The following ZFYVE16 variants were observed in gnomAD, a reference collection of about 807,000 sequenced individuals.
The protein encoded by ZFYVE16 is zinc finger FYVE domain-containing protein 16.
Under a neutral mutation model 138.1 loss-of-function variants are expected in ZFYVE16, and 89 were observed. That is an observed-to-expected ratio of 0.64 (90% confidence interval 0.54 to 0.77). The LOEUF (loss-of-function observed/expected upper bound fraction) is 0.77, where lower values mean the gene tolerates loss of function less well. ZFYVE16 is among the 30% of genes least tolerant of loss of function. ZFYVE16 has a pLI of 0.00. For synonymous variants in ZFYVE16, 596 were observed against 618.3 expected (o/e 0.96, Z 0.53); for missense variants, 1,793 against 1,786.7 (o/e 1.00, Z -0.06).
chr5:80,427,415 C>T (rs1253571146), intron 1 of ZFYVE16, 77 bp from the exon 2 acceptor site: 1 of 151,948 alleles, frequency 6.6e-6, no homozygotes, highest in African/African-American at 2.4e-5. Context: ...TCATTTGATG[C>T]TCACTTGTCC....
In ZFYVE16 at chr5:80,448,006, T is replaced by A. The variant is rs763725875; in HGVS notation, c.2725-20T>A. ...AGAATATGAACTGATTTGTTATTTT[T>A]TTTATTACATATTTTACAGACAGTA... On this transcript the variant is annotated intron_variant, in intron 7 of 18. Transcript: ENST00000505560. 5 of 1,537,520 alleles carry A rather than the reference T, an allele frequency of 3.3e-6. No homozygotes were observed. In the African/African-American group the frequency reaches 6.9e-5, roughly 21 times the overall value.
At chr5:80,427,417 C>G (rs1167829940) in intron 1 of ZFYVE16, 75 bp from the exon 2 acceptor site, 3 of 151,978 alleles carry the variant, frequency 2.0e-5, no homozygotes, top group African/African-American at 7.3e-5. Context: ...ATTTGATGCT[C>G]ACTTGTCCCA....
Position 80,477,423 on chromosome 5 carries a change from C to CT in ZFYVE16, c.*47dup. The CT allele has an allele frequency of 6.4e-7, 1 of 1,552,414 alleles. No homozygotes were observed. Among genetic ancestry groups the CT allele is most frequent in the South Asian group, 1.2e-5 (1 of 84,034 alleles). On this transcript the variant is annotated 3_prime_UTR_variant, in exon 19 of 19. Transcript: ENST00000505560. Reference sequence around the variant, plus strand: ...CATATTGCAACCTAATTTGTTAAAACTAACTCCAGCACTAAAGCTGAAATG... The same window carrying CT: ...CATATTGCAACCTAATTTGTTAAAACTTAACTCCAGCACTAAAGCTGAAATG...
chr5:80,440,864 T>G (rs758911881), intron 5 of ZFYVE16: 14 of 985,396 alleles, frequency 1.4e-5, no homozygotes, highest in Non-Finnish European at 1.6e-5. Context: ...GGGGAATGAA[T>G]ACCTGATAAT....
chr5:80,417,760 A>G (rs1004033775), intron 1 of ZFYVE16, among the ~76,000 whole-genome samples: 64 of 152,304 alleles, frequency 4.2e-4, no homozygotes, highest in African/African-American at 1.5e-3. Context: ...TTTGGCAGTT[A>G]TGAATAAACC....
chr5:80,420,264 G>A (rs1392088333), intron 1 of ZFYVE16, among the ~76,000 whole-genome samples: 1 of 151,858 alleles, frequency 6.6e-6, no homozygotes, highest in South Asian at 2.1e-4. Flanking sequence ...GTACCACCAC[G>A]CCCAGCTAAT....
Position 80,481,173 on chromosome 5 carries a change from G to A in ZFYVE16, c.*3796G>A, listed in dbSNP as rs148316501. ...CTTGCTCTACATCAATCCCGCAGCAGTAAAGAGGTATCACTCTTCTCTTCC... is the reference window on the plus strand; with the variant it reads ...CTTGCTCTACATCAATCCCGCAGCAATAAAGAGGTATCACTCTTCTCTTCC... On this transcript the variant is annotated 3_prime_UTR_variant, in exon 19 of 19. Transcript: ENST00000505560. Among the ~76,000 whole-genome samples, 1 of 152,250 alleles carries A rather than the reference G, an allele frequency of 6.6e-6. No individual in the cohort carries two copies. Among genetic ancestry groups the A allele is most frequent in the African/African-American group, 2.4e-5 (1 of 41,544 alleles).
At chr5:80,447,941 ATATGTTTGGC>A (rs1751562906) in intron 7 of ZFYVE16, 75 bp from the exon 8 acceptor site, 1 of 1,193,234 alleles carries the variant, frequency 8.4e-7, no homozygotes, top group Non-Finnish European at 1.1e-6. Flanking sequence ...TATTAAAAAG[ATATGTTTGGC>A]TATAGTGATC....
intron 11 of ZFYVE16, 47 bp from the exon 12 acceptor site, chr5:80,455,645 G>T (rs1752449916): frequency 7.1e-7 from 1 of 1,404,440 alleles, no homozygotes; most frequent in Non-Finnish European, 1.0e-6. Context: ...TCAATAATTT[G>T]GGGTTTTTTT....
At chr5:80,447,889 T>A (rs1751556274) in intron 7 of ZFYVE16, 137 bp from the exon 8 acceptor site, 2 of 714,172 alleles carry the variant, frequency 2.8e-6, no homozygotes, top group East Asian at 3.1e-5. Context: ...GAAATTTGAC[T>A]TTAAGAGAAT....
chr5:80,420,177 G>C (rs942915999), intron 1 of ZFYVE16, among the ~76,000 whole-genome samples: 11 of 151,630 alleles, frequency 7.3e-5, no homozygotes, highest in African/African-American at 9.7e-5. Context: ...CACAATCTCA[G>C]TTCACTGGAA....
intron 1 of ZFYVE16, among the ~76,000 whole-genome samples, chr5:80,416,582 G>C (rs1746294567): frequency 6.6e-6 from 1 of 151,030 alleles, no homozygotes; most frequent in Admixed American, 6.6e-5. Context: ...TAATGTGTTG[G>C]GTTATACTTC....
chr5:80,437,868 G>C lies in ZFYVE16; in HGVS notation c.1183G>C (p.Gly395Arg), dbSNP rs370877853. Residue 395 changes from glycine to arginine, a missense_variant, in exon 4 of 19, where the codon GGT (glycine) becomes CGT (arginine). Gly to Arg is a moderately radical substitution (Grantham distance 125). Around this residue, in one of 2 missense-constraint regions of ZFYVE16, gnomAD observed 1,295 missense variants for 1,204.3 expected, o/e 1.08. Transcript: ENST00000505560. ...CGSLIESKAR[G>R]DFLPQHEHKD... ...ATCATTAATTGAAAGTAAAGCACGG[G>C]GTGATTTTTTACCTCAGCATGAACA... is the stretch of plus-strand genomic sequence containing the variant. 1.9e-6 allele frequency: 3 copies of C among 1,613,740 alleles called. No homozygotes were observed. The African/African-American group carries it at 4.0e-5, about 22-fold the overall frequency.
At chr5:80,459,639 A>G (rs566561269) in intron 15 of ZFYVE16, 145 bp downstream of exon 15, 4 of 629,936 alleles carry the variant, frequency 6.3e-6, no homozygotes, top group South Asian at 2.4e-5. Flanking sequence ...CCAGCACAAG[A>G]AGTAGAAGAC....
At chr5:80,463,725 A>G (rs188535485) in intron 15 of ZFYVE16, among the ~76,000 whole-genome samples, 4 of 152,232 alleles carry the variant, frequency 2.6e-5, no homozygotes, top group South Asian at 4.2e-4. Flanking sequence ...TCCAGTTCCA[A>G]AGTATCTCTT....
In ZFYVE16 at chr5:80,438,654, T is replaced by C; in HGVS notation, c.1969T>C (p.Ser657Pro). 1.9e-6 allele frequency: 3 copies of C among 1,614,046 alleles called. No individual in the cohort carries two copies. Among genetic ancestry groups the C allele is most frequent in the Non-Finnish European group, 2.5e-6 (3 of 1,179,988 alleles). Reference sequence around the variant, plus strand: ...ACCTAAGCAATTGTTTAGCCTTCCATCAAGAACAAGGAGTTCAAAGGACCT... The same window carrying C: ...ACCTAAGCAATTGTTTAGCCTTCCACCAAGAACAAGGAGTTCAAAGGACCT... ...ARPKQLFSLP[S>P]RTRSSKDLNK... Residue 657 changes from serine (S) to proline (P), a missense_variant, in exon 4 of 19, where the codon TCA becomes CCA. Coordinates refer to ENST00000505560, the MANE Select transcript of ZFYVE16 (RefSeq NM_001284236.3).
intron 13 of ZFYVE16, 94 bp from the exon 14 acceptor site, chr5:80,456,851 A>C (rs1270615542): frequency 1.4e-6 from 2 of 1,393,638 alleles, no homozygotes; most frequent in Non-Finnish European, 1.9e-6. Context: ...GAAGCTTGAT[A>C]ATTATGAAGC....
At chr5:80,447,527 A>G (rs1561295143) in intron 7 of ZFYVE16, among the ~76,000 whole-genome samples, 1 of 152,174 alleles carries the variant, frequency 6.6e-6, no homozygotes. Context: ...AAAAAGAAAA[A>G]GGCTTTATTG....
At position 80,428,305 on chromosome 5, in the gene ZFYVE16, C is replaced by A. The variant is rs183791876; in HGVS notation, c.-40+760C>A. On this transcript the variant is annotated intron_variant, in intron 2 of 18. Coordinates refer to ENST00000505560, the MANE Select transcript of ZFYVE16 (RefSeq NM_001284236.3). ...GCAACATTTGCTGTTCAGCAACATT[C>A]ACTGTTCTGCAGCCTCCGCTGCTGA... Among the ~76,000 whole-genome samples, 17 of 152,302 alleles carry A rather than the reference C, an allele frequency of 1.1e-4. No homozygotes were observed. The East Asian group carries it at 3.3e-3, about 29-fold the overall frequency.
Sources: allele counts gnomAD v4.1 joint callset (sites outside exome capture counted in the v4.1 genomes callset), GRCh38; gene constraint gnomAD v4.1.1; regional missense constraint gnomAD v4.1.1; transcripts MANE v1.5; gene names NCBI Gene and HGNC (gene_info 2026-07-23, HGNC 2026-07-21).